Variants in ALPK3 observed in about 807,000 individuals in gnomAD.
ALPK3 encodes the protein alpha kinase 3.
ALPK3 carries 102 observed loss-of-function variants against 140.0 expected under a neutral mutation model. That is an observed-to-expected ratio of 0.73 (90% CI 0.62 to 0.86). ALPK3 has a LOEUF of 0.86. Among genes scored for constraint, ALPK3 ranks in the 40% least tolerant of loss-of-function variants. ALPK3 has a pLI of 0.00. For missense variants in ALPK3, 2,254 were observed against 2,208.2 expected, an observed-to-expected ratio of 1.02 and a Z score of -0.42; for synonymous variants, 938 against 898.5, an observed-to-expected ratio of 1.04 and a Z score of -0.79.
chr15:84,835,967 T>C (rs1035450118), intron 3 of ALPK3, among the ~76,000 whole-genome samples: 4 of 152,214 alleles, frequency 2.6e-5, no homozygotes, highest in African/African-American at 7.2e-5. Context: ...ATATTTGTCA[T>C]GGAAAGGATG....
intron 5 of ALPK3, among the ~76,000 whole-genome samples, chr15:84,853,675 G>A (rs1054454678): frequency 4.6e-5 from 7 of 152,140 alleles, no homozygotes; most frequent in Non-Finnish European, 8.8e-5. Flanking sequence ...AGGCTGAGGT[G>A]GGAGGATCAC....
intron 8 of ALPK3, 54 bp from the exon 9 acceptor site, chr15:84,859,983 A>G (rs1259607322): frequency 1.2e-6 from 2 of 1,611,090 alleles, no homozygotes; most frequent in African/African-American, 1.4e-5. Flanking sequence ...GAGAGAAGGC[A>G]CTCTCTTGGC....
rs995537600 is a variant in ALPK3, at chr15:84,839,923, A to G, written c.644A>G (p.Lys215Arg). 1 of 1,613,892 alleles carries G rather than the reference A, an allele frequency of 6.2e-7. No homozygotes were observed. Among genetic ancestry groups the G allele is most frequent in the East Asian group, 2.2e-5 (1 of 44,848 alleles). ...CCTGGGGAGGTCGACACTCTGCGCAAGCTCAGCCCCGACCGCTTCCAGCGA... is the reference window on the plus strand; with the variant it reads ...CCTGGGGAGGTCGACACTCTGCGCAGGCTCAGCCCCGACCGCTTCCAGCGA... The part of the protein sequence containing the change: ...AVPGEVDTLR[K>R]LSPDRFQRKR... The change falls in exon 5 of 14, where the codon AAG (lysine) becomes AGG (arginine). Residue 215 changes from lysine to arginine, a missense_variant. Transcript: ENST00000258888.
chr15:84,834,508 G>A (rs1351156613), intron 3 of ALPK3, among the ~76,000 whole-genome samples: 1 of 152,248 alleles, frequency 6.6e-6, no homozygotes, highest in Non-Finnish European at 1.5e-5. Context: ...CTGGCACATA[G>A]TAAGTCTTCA....
chr15:84,840,800 A>G lies in ALPK3; in HGVS notation c.1521A>G (p.Glu507=), dbSNP rs748468548. The part of the protein sequence containing the change: ...KPISSLSQAP[E]CGAQSLGKAP... ...TTTCTTCTCTGAGTCAAGCTCCAGA[A>G]TGCGGGGCCCAGAGCTTAGGAAAGG... is the stretch of plus-strand genomic sequence containing the variant. The change falls in exon 5 of 14, where the codon GAA becomes GAG. Residue 507 remains glutamate (E), a synonymous_variant. Coordinates refer to ENST00000258888, the MANE Select transcript of ALPK3 (RefSeq NM_020778.5). 1 of 1,614,220 alleles carries G rather than the reference A, an allele frequency of 6.2e-7. No homozygotes were observed. Among genetic ancestry groups the G allele is most frequent in the Non-Finnish European group, 8.5e-7 (1 of 1,180,032 alleles).
intron 1 of ALPK3, among the ~76,000 whole-genome samples, chr15:84,822,004 G>C (rs1963430907): frequency 6.6e-6 from 1 of 152,168 alleles, no homozygotes; most frequent in Non-Finnish European, 1.5e-5. Context: ...GTTGCAGCGG[G>C]AGTGTGAGTA....
intron 7 of ALPK3, 66 bp from the exon 8 acceptor site, chr15:84,859,710 A>G (rs1176670865): frequency 5.9e-6 from 9 of 1,523,398 alleles, no homozygotes; most frequent in African/African-American, 1.4e-5. Context: ...GTGGGGTCCA[A>G]GGACGCTTAG....
In ALPK3 at chr15:84,867,818, G is replaced by A. The variant is rs79061571; in HGVS notation, c.4773-293G>A. On this transcript the variant is annotated intron_variant, in intron 13 of 13. Transcript: ENST00000258888. ...CCTTGGGCCAGGCATGGTGGCTCACGCCTCTAACCCTAGCACTTTGGGAGG... is the reference window on the plus strand; with the variant it reads ...CCTTGGGCCAGGCATGGTGGCTCACACCTCTAACCCTAGCACTTTGGGAGG... Among the ~76,000 whole-genome samples the A allele has an allele frequency of 0.026, 4,011 of 152,252 alleles. 176 individuals carry two copies. The highest frequency in any genetic ancestry group is 0.09 in the African/African-American group (3,740 of 41,524).
At chr15:84,834,069 C>T (rs1963574838) in intron 3 of ALPK3, among the ~76,000 whole-genome samples, 1 of 151,986 alleles carries the variant, frequency 6.6e-6, no homozygotes, top group Non-Finnish European at 1.5e-5. Context: ...GGGATTGAGT[C>T]TTCTGAAACA....
chr15:84,828,955 T>G (rs1056888427), intron 3 of ALPK3, among the ~76,000 whole-genome samples: 1 of 152,242 alleles, frequency 6.6e-6, no homozygotes, highest in Non-Finnish European at 1.5e-5. Context: ...CACAGCTTCA[T>G]GCTTTTGCAC....
At chr15:84,821,153 T>G (rs1436668631) in intron 1 of ALPK3, among the ~76,000 whole-genome samples, 1 of 152,234 alleles carries the variant, frequency 6.6e-6, no homozygotes, top group African/African-American at 2.4e-5. Context: ...GTGACAGCCC[T>G]GAGCCTAGCT....
At position 84,839,963 on chromosome 15, in the gene ALPK3, C is replaced by T. The variant is rs755435540; in HGVS notation, c.684C>T (p.Ser228=). ...GCTTCCAGCGAAAGCGGCGATTGAG[C>T]GGGGCTCAAGCGCCGGGCCCCTCGG... The part of the protein sequence containing the change: ...PDRFQRKRRL[S]GAQAPGPSVP... Residue 228 remains serine, a synonymous_variant, in exon 5 of 14, where the codon AGC becomes AGT. Transcript: ENST00000258888. The T allele has an allele frequency of 1.1e-5, 18 of 1,612,914 alleles. No individual in the cohort carries two copies. The African/African-American group carries it at 2.1e-4, about 19-fold the overall frequency.
Position 84,868,754 on chromosome 15 carries a change from A to G in ALPK3, c.*298A>G. ...CCCTCCTTGAAGTTTACACTTTGCCACTGCTGGAGGCTCCCCTGAGTCCTC... is the reference window on the plus strand; with the variant it reads ...CCCTCCTTGAAGTTTACACTTTGCCGCTGCTGGAGGCTCCCCTGAGTCCTC... On this transcript the variant is annotated 3_prime_UTR_variant, in exon 14 of 14. Transcript: ENST00000258888. 4.7e-6 allele frequency: 2 copies of G among 425,972 alleles called. No homozygotes were observed. The highest frequency in any genetic ancestry group is 4.3e-5 in the East Asian group (1 of 23,338). 26.4% of individuals were successfully genotyped at this position (425,972 alleles called of 1,614,324 possible).
intron 3 of ALPK3, among the ~76,000 whole-genome samples, chr15:84,837,014 A>G (rs1963603555): frequency 6.6e-6 from 1 of 152,204 alleles, no homozygotes; most frequent in African/African-American, 2.4e-5. Context: ...CTGATGGGTT[A>G]GGCAGATGGG....
At chr15:84,821,373 C>T (rs574424469) in intron 1 of ALPK3, among the ~76,000 whole-genome samples, 1 of 152,290 alleles carries the variant, frequency 6.6e-6, no homozygotes, top group Non-Finnish European at 1.5e-5. Flanking sequence ...TTGTCATTTT[C>T]CTCTCTGAAT....
At chr15:84,863,754 T>G in intron 11 of ALPK3, 114 bp downstream of exon 11, 1 of 978,810 alleles carries the variant, frequency 1.0e-6, no homozygotes, top group African/African-American at 1.6e-5. Context: ...CATGTGCAAA[T>G]AGGCTCACAG....
At chr15:84,838,622 A>ATTC in intron 3 of ALPK3, among the ~76,000 whole-genome samples, 2 of 70,414 alleles carry the variant, frequency 2.8e-5, no homozygotes, top group Non-Finnish European at 2.7e-5. Context: ...TATTATTATT[A>ATTC]TTATTATTAT....
chr15:84,859,008 C>T lies in ALPK3; in HGVS notation c.3818-235C>T, dbSNP rs59475469. ...CTGCGTCCTCAGCTGGGAGCCCCTC[C>T]CAGCCTGGGGTCAAGGTGGAGTAGG... On this transcript the variant is annotated intron_variant, in intron 6 of 13. Transcript: ENST00000258888. Among the ~76,000 whole-genome samples, 6,945 of 152,182 alleles carry T rather than the reference C, an allele frequency of 0.046. 206 individuals are homozygous for T. The highest frequency in any genetic ancestry group is 0.067 in the African/African-American group (2,798 of 41,508).
chr15:84,860,019 T>C lies in ALPK3; in HGVS notation c.4094-18T>C, dbSNP rs1275246200. The C allele has an allele frequency of 9.3e-6, 15 of 1,614,106 alleles. No homozygotes were observed. Among genetic ancestry groups the C allele is most frequent in the Non-Finnish European group, 1.3e-5 (15 of 1,180,008 alleles). On this transcript the variant is annotated intron_variant, in intron 8 of 13. Transcript: ENST00000258888. The stretch of plus-strand genomic sequence containing the variant: ...ACAGCAGCCTGAAGGCACTGCTTTC[T>C]TCTTTTTCTGTATCTAGTGTTGTCA...
Sources: gnomAD v4.1 joint callset for allele counts (sites outside exome capture counted in the v4.1 genomes callset) on GRCh38, gnomAD v4.1.1 for gene constraint, MANE v1.5 for transcripts, NCBI Gene and HGNC (gene_info 2026-07-23, HGNC 2026-07-21) for gene names.